REEP1: variants seen among roughly 807,000 people sequenced by gnomAD.
REEP1 encodes the protein receptor accessory protein 1, also known as receptor expression-enhancing protein 1.
In REEP1, 22 loss-of-function variants were observed where a neutral mutation model predicts 40.3. The ratio of observed to expected loss-of-function variants is 0.55; its 90% CI spans 0.39 to 0.78. The LOEUF is 0.78. REEP1 is among the 30% of genes least tolerant of loss of function. The probability of loss-of-function intolerance (pLI) is 0.00; values close to 1 mark genes in which losing one functional copy is unlikely to be tolerated. For missense variants in REEP1, 280 were observed against 361.1 expected (o/e 0.78, Z 1.82); for synonymous variants, 116 against 139.2 (o/e 0.83, Z 1.17).
In REEP1 at chr2:86,232,688, C is replaced by T. The variant is rs1305361968; in HGVS notation, c.532G>A (p.Ala178Thr). 6.2e-7 allele frequency: 1 copy of T among 1,611,954 alleles called. No homozygotes were observed. The highest frequency in any genetic ancestry group is 1.1e-5 in the South Asian group (1 of 91,084). The change falls in exon 6 of 9, where the codon GCC becomes ACC. Residue 178 changes from alanine (A) to threonine (T), a missense_variant. By Grantham distance (58) the Ala-to-Thr change is moderately conservative (BLOSUM62 0). Around this residue, in one of 3 missense-constraint regions of REEP1, gnomAD observed 201 missense variants for 238.5 expected, o/e 0.84. Coordinates refer to ENST00000538924, the MANE Select transcript of REEP1 (RefSeq NM_001371279.1). Reference protein sequence around the residue: ...SGPPPPGSGRASGKHGQPKMS... With the variant: ...SGPPPPGSGRTSGKHGQPKMS... ...TTAGGCTGGCCGTGTTTGCCGCTGG[C>T]CCGCCCAGACCCCGGTGGTGGGGGG... is the stretch of plus-strand genomic sequence containing the variant.
In REEP1 at chr2:86,299,967, T is replaced by A. The variant is rs372190759; in HGVS notation, c.33-17725A>T. Among the ~76,000 whole-genome samples the A allele has an allele frequency of 2.0e-5, 3 of 152,146 alleles. No individual in the cohort carries two copies. In the East Asian group the frequency reaches 5.8e-4, roughly 29 times the overall value. ...CAATCTTCCTTCTGTGAGTGGAGAATCCAAGGAAAATATCTGCAGCAGAGG... is the reference window on the plus strand; with the variant it reads ...CAATCTTCCTTCTGTGAGTGGAGAAACCAAGGAAAATATCTGCAGCAGAGG... On this transcript the variant is annotated intron_variant, in intron 1 of 8. Coordinates refer to ENST00000538924, the MANE Select transcript of REEP1 (RefSeq NM_001371279.1).
chr2:86,278,733 T>G (rs1677900733), intron 2 of REEP1, among the ~76,000 whole-genome samples: 1 of 152,202 alleles, frequency 6.6e-6, no homozygotes, highest in Non-Finnish European at 1.5e-5. Flanking sequence ...AAGCAGCCAG[T>G]GCCCAAGATG....
chr2:86,254,418 T>C (rs1202416326), intron 4 of REEP1, among the ~76,000 whole-genome samples: 1 of 152,244 alleles, frequency 6.6e-6, no homozygotes, highest in Non-Finnish European at 1.5e-5. Flanking sequence ...AAATTCACTT[T>C]GCGTGGTTAA....
chr2:86,323,447 G>A (rs1680358969), intron 1 of REEP1, among the ~76,000 whole-genome samples: 2 of 152,120 alleles, frequency 1.3e-5, no homozygotes, highest in Admixed American at 1.3e-4. Context: ...AGCAGGAGGT[G>A]AGCAGCAGCA....
chr2:86,217,059 A>G lies in REEP1; in HGVS notation c.835T>C (p.Ser279Pro), dbSNP rs1271993661. ...CTCACTCACGTGGTTTCGGTGGCCG[A>G]GGATGAGGTACTTTTCTTCCTGAAG... The part of the protein sequence containing the change: ...SRFRKKSTSS[S>P]ATETT The change falls in exon 9 of 9, where the codon TCG becomes CCG. Residue 279 changes from serine to proline, a missense_variant. Physicochemically the swap from Ser to Pro is moderately conservative, Grantham distance 74. Coordinates refer to ENST00000538924, the MANE Select transcript of REEP1 (RefSeq NM_001371279.1). The G allele has an allele frequency of 1.2e-6, 2 of 1,613,972 alleles. No homozygotes were observed. The highest frequency in any genetic ancestry group is 1.7e-6 in the Non-Finnish European group (2 of 1,179,972).
At chr2:86,241,765 G>C (rs1675677279) in intron 5 of REEP1, among the ~76,000 whole-genome samples, 1 of 152,206 alleles carries the variant, frequency 6.6e-6, no homozygotes, top group African/African-American at 2.4e-5. Flanking sequence ...AGCTGCTCCA[G>C]CAGCCCACGT....
chr2:86,280,052 T>A (rs553966766), intron 2 of REEP1: 1 of 456,280 alleles, frequency 2.2e-6, no homozygotes, highest in Admixed American at 2.3e-5. Context: ...GCGACAGGGA[T>A]GAAGGGACAT....
chr2:86,328,609 G>A (rs1402833455), intron 1 of REEP1, among the ~76,000 whole-genome samples: 1 of 152,240 alleles, frequency 6.6e-6, no homozygotes, highest in African/African-American at 2.4e-5. Context: ...AACCCAGGAG[G>A]TGGAGACTGC....
At chr2:86,270,171 T>G (rs7425102) in intron 2 of REEP1, among the ~76,000 whole-genome samples, 155 of 109,258 alleles carry the variant, frequency 1.4e-3, no homozygotes, top group African/African-American at 3.6e-3. Context: ...ATCATTTTTC[T>G]TTTGTTTGTT....
chr2:86,300,323 C>T (rs1679201731), intron 1 of REEP1, among the ~76,000 whole-genome samples: 1 of 152,174 alleles, frequency 6.6e-6, no homozygotes, highest in Non-Finnish European at 1.5e-5. Context: ...GCCTCTCATC[C>T]ACTAGGATGG....
At chr2:86,325,528 C>T (rs1680465451) in intron 1 of REEP1, among the ~76,000 whole-genome samples, 1 of 152,208 alleles carries the variant, frequency 6.6e-6, no homozygotes, top group Non-Finnish European at 1.5e-5. Flanking sequence ...TTCAAGTGGG[C>T]CCTATTTGAT....
At chr2:86,327,815 C>T in intron 1 of REEP1, among the ~76,000 whole-genome samples, 1 of 152,122 alleles carries the variant, frequency 6.6e-6, no homozygotes, top group Non-Finnish European at 1.5e-5. Context: ...GATCTGCCCG[C>T]CTCGGCCTCC....
intron 1 of REEP1, among the ~76,000 whole-genome samples, chr2:86,318,317 G>T (rs562719482): frequency 6.6e-6 from 1 of 151,218 alleles, no homozygotes; most frequent in Non-Finnish European, 1.5e-5. Flanking sequence ...ATACAAAAAA[G>T]ACTTACAAAA....
At chr2:86,297,182 G>A (rs982451720) in intron 1 of REEP1, among the ~76,000 whole-genome samples, 8 of 152,190 alleles carry the variant, frequency 5.3e-5, no homozygotes, top group Non-Finnish European at 8.8e-5. Flanking sequence ...CACTTGTGAC[G>A]AGGGTGTGGC....
rs1253659339 is a variant in REEP1, at chr2:86,337,240, T to C, written c.32+239A>G. The C allele has an allele frequency of 4.2e-6, 1 of 236,876 alleles. No individual in the cohort carries two copies. The highest frequency in any genetic ancestry group is 8.1e-6 in the Non-Finnish European group (1 of 124,188). 14.7% of individuals were successfully genotyped at this position (236,876 alleles called of 1,614,324 possible). On this transcript the variant is annotated intron_variant, in intron 1 of 8. Coordinates refer to ENST00000538924, the MANE Select transcript of REEP1 (RefSeq NM_001371279.1). This position sits in a 1 kb window ranked among gnomAD's most constrained non-coding sequence, Gnocchi z 5.8. ...CCCCCGAGCGCCCCAGCCCTCGCCG[T>C]CCCGGCCCAGCCCCCCGCAAGCGGC...
chr2:86,321,372 T>C (rs767841650), intron 1 of REEP1, among the ~76,000 whole-genome samples: 1 of 152,224 alleles, frequency 6.6e-6, no homozygotes, highest in Non-Finnish European at 1.5e-5. Flanking sequence ...CTGAGCAGTT[T>C]ACTGGCAAAT....
chr2:86,226,316 C>T (rs1274301622), intron 7 of REEP1, among the ~76,000 whole-genome samples: 1 of 151,982 alleles, frequency 6.6e-6, no homozygotes, highest in Non-Finnish European at 1.5e-5. Flanking sequence ...AAGTAAGTGG[C>T]AAAGCAGGAA....
chr2:86,290,753 C>CA (rs1678651836), intron 1 of REEP1, among the ~76,000 whole-genome samples: 1 of 152,202 alleles, frequency 6.6e-6, no homozygotes, highest in Admixed American at 6.5e-5. Context: ...CATCGTCACT[C>CA]ACGATGGTTC....
At chr2:86,322,547 G>A (rs1258900660) in intron 1 of REEP1, among the ~76,000 whole-genome samples, 1 of 152,074 alleles carries the variant, frequency 6.6e-6, no homozygotes, top group African/African-American at 2.4e-5. Context: ...CTGGGTGCAA[G>A]AGATTCTCCT....
Sources: allele counts gnomAD v4.1 joint callset (sites outside exome capture counted in the v4.1 genomes callset), GRCh38; gene constraint gnomAD v4.1.1; regional missense constraint gnomAD v4.1.1; non-coding constraint Gnocchi (gnomAD v3.1); transcripts MANE v1.5; gene names NCBI Gene and HGNC (gene_info 2026-07-23, HGNC 2026-07-21).